The following ZFHX4 variants were observed in gnomAD, a reference collection of about 807,000 sequenced individuals.
The protein encoded by ZFHX4 is zinc finger homeobox 4.
ZFHX4 carries 56 observed loss-of-function variants against 267.6 expected under a neutral mutation model. The ratio of observed to expected loss-of-function variants is 0.21; its 90% CI spans 0.17 to 0.26. The LOEUF (loss-of-function observed/expected upper bound fraction) is 0.26. Ranked by LOEUF, ZFHX4 falls within the 10% of genes least tolerant of loss-of-function variation. ZFHX4 has a pLI of 1.00. For synonymous variants in ZFHX4, 1,778 were observed against 1,665.6 expected, an observed-to-expected ratio of 1.07 and a Z score of -1.64; for missense variants, 4,332 against 4,420.0, an observed-to-expected ratio of 0.98 and a Z score of 0.56.
intron 4 of ZFHX4, among the ~76,000 whole-genome samples, chr8:76,785,320 T>C (rs1810657531): frequency 6.6e-6 from 1 of 152,046 alleles, no homozygotes. Context: ...TTGAAAGATA[T>C]TTATTCTTTA....
At chr8:76,767,042 GGGGT>G (rs909261778) in intron 3 of ZFHX4, among the ~76,000 whole-genome samples, 50 of 130,452 alleles carry the variant, frequency 3.8e-4, no homozygotes, top group African/African-American at 1.9e-3. Context: ...GTCTCATAAA[GGGGT>G]GTGTGTGTGT....
intron 3 of ZFHX4, among the ~76,000 whole-genome samples, chr8:76,711,200 T>C (rs1444133734): frequency 6.6e-6 from 1 of 152,278 alleles, no homozygotes; most frequent in East Asian, 1.9e-4. Context: ...AGCATTATTT[T>C]CCATAGAATT....
rs1813058188 is a variant in ZFHX4, at chr8:76,867,273, A to G, written c.*2708A>G. On this transcript the variant is annotated 3_prime_UTR_variant, in exon 11 of 11. Coordinates refer to ENST00000651372, the MANE Select transcript of ZFHX4 (RefSeq NM_024721.5). Reference sequence around the variant, plus strand: ...CTCATTGTGATACATTAAAAACTGTATCTACATATTTACTATGTGTTTTCT... The same window carrying G: ...CTCATTGTGATACATTAAAAACTGTGTCTACATATTTACTATGTGTTTTCT... 3 of 152,578 alleles carry G rather than the reference A, an allele frequency of 2.0e-5. No individual in the cohort carries two copies. Among genetic ancestry groups the G allele is most frequent in the African/African-American group, 7.2e-5 (3 of 41,440 alleles). The allele number at this position is 152,578 out of a possible 1,614,324, so 9.5% of individuals were successfully genotyped here. A position where few individuals can be genotyped will look rare whatever the true frequency, so the allele number is the denominator to read the frequency against.
chr8:76,724,805 A>C (rs1020494784), intron 3 of ZFHX4, among the ~76,000 whole-genome samples: 1 of 152,140 alleles, frequency 6.6e-6, no homozygotes, highest in African/African-American at 2.4e-5. Context: ...GGAATCTTAC[A>C]GGTCTCAGGA....
chr8:76,761,292 G>A (rs1284973769), intron 3 of ZFHX4, among the ~76,000 whole-genome samples: 1 of 152,196 alleles, frequency 6.6e-6, no homozygotes, highest in African/African-American at 2.4e-5. Flanking sequence ...TTACCACTTT[G>A]AAAAATTATA....
chr8:76,861,340 A>C (rs537152191), intron 10 of ZFHX4, among the ~76,000 whole-genome samples: 3 of 152,282 alleles, frequency 2.0e-5, no homozygotes, highest in African/African-American at 7.2e-5. Flanking sequence ...AGTCTCCTCT[A>C]GCTCATCTGC....
At chr8:76,754,790 T>A (rs745922539) in intron 3 of ZFHX4, among the ~76,000 whole-genome samples, 1 of 152,162 alleles carries the variant, frequency 6.6e-6, no homozygotes, top group Admixed American at 6.6e-5. Context: ...AAAGGTAGAA[T>A]TGATTCCTCC....
At chr8:76,769,431 C>G (rs1457866583) in intron 3 of ZFHX4, among the ~76,000 whole-genome samples, 1 of 151,896 alleles carries the variant, frequency 6.6e-6, no homozygotes, top group Non-Finnish European at 1.5e-5. Flanking sequence ...TTCACTATGG[C>G]CTTGACCTCC....
At chr8:76,696,789 A>G (rs1807970384) in intron 1 of ZFHX4, among the ~76,000 whole-genome samples, 1 of 152,038 alleles carries the variant, frequency 6.6e-6, no homozygotes, top group Admixed American at 6.5e-5. Context: ...CTATTATGCT[A>G]GTCCTAATGT....
chr8:76,708,085 G>T lies in ZFHX4; in HGVS notation c.3093+37G>T, dbSNP rs771654855. The T allele has an allele frequency of 3.7e-6, 6 of 1,608,006 alleles. No individual in the cohort carries two copies. In the African/African-American group the frequency reaches 5.4e-5, roughly 14 times the overall value. On this transcript the variant is annotated intron_variant, in intron 3 of 10. Coordinates refer to ENST00000651372, the MANE Select transcript of ZFHX4 (RefSeq NM_024721.5). The stretch of plus-strand genomic sequence containing the variant: ...CATCCATTTCCGTTGGCACAGAGTA[G>T]AAAAGGGAATTAACTCTTTCAGAGC...
chr8:76,740,784 G>A (rs115921933), intron 3 of ZFHX4, among the ~76,000 whole-genome samples: 2,333 of 152,192 alleles, frequency 0.015, 68 homozygotes, highest in African/African-American at 0.052. Flanking sequence ...ATTATTTGAG[G>A]GAGGCAGTTG....
Position 76,854,723 on chromosome 8 carries a change from A to G in ZFHX4, c.7802A>G (p.Asp2601Gly), listed in dbSNP as rs1165956697. ...AAAGAAGGAGGGAATAGCGGTGAAG[A>G]CCAACACCGAGATAAACGCTTGAGA... is the stretch of plus-strand genomic sequence containing the variant. The part of the protein sequence containing the change: ...SEKEGGNSGE[D>G]QHRDKRLRTT... Residue 2601 changes from aspartate (D) to glycine (G), a missense_variant, in exon 10 of 11, where the codon GAC (aspartate) becomes GGC (glycine). This residue lies in a region of ZFHX4 where 1,648 missense variants were observed against 1,625.0 expected (regional missense o/e 1.01). Coordinates refer to ENST00000651372, the MANE Select transcript of ZFHX4 (RefSeq NM_024721.5). 6.2e-7 allele frequency: 1 copy of G among 1,613,104 alleles called. No individual in the cohort carries two copies. Among genetic ancestry groups the G allele is most frequent in the East Asian group, 2.2e-5 (1 of 44,826 alleles).
In ZFHX4 at chr8:76,833,318, C is replaced by G; in HGVS notation, c.3326-20C>G. On this transcript the variant is annotated intron_variant, in intron 4 of 10. Coordinates refer to ENST00000651372, the MANE Select transcript of ZFHX4 (RefSeq NM_024721.5). ...TGGATATGGCATGCTGATTACCTTT[C>G]ACTCTGATGTCTTCTGCAGAAACTG... 6.2e-7 allele frequency: 1 copy of G among 1,604,842 alleles called. No homozygotes were observed. Among genetic ancestry groups the G allele is most frequent in the Non-Finnish European group, 8.5e-7 (1 of 1,174,200 alleles).
In ZFHX4 at chr8:76,706,264, A is replaced by G; in HGVS notation, c.2176A>G (p.Asn726Asp). The G allele has an allele frequency of 6.2e-7, 1 of 1,614,030 alleles. No individual in the cohort carries two copies. Among genetic ancestry groups the G allele is most frequent in the Non-Finnish European group, 8.5e-7 (1 of 1,179,992 alleles). ...IHMQSDKHLN[N>D]VQNLQNGNGE... ...TATGCAGTCGGACAAGCACCTGAACAATGTTCAGAATCTCCAAAATGGCAA... is the reference window on the plus strand; with the variant it reads ...TATGCAGTCGGACAAGCACCTGAACGATGTTCAGAATCTCCAAAATGGCAA... Residue 726 changes from asparagine to aspartate, a missense_variant, in exon 2 of 11, where the codon AAT becomes GAT. Transcript: ENST00000651372.
intron 1 of ZFHX4, among the ~76,000 whole-genome samples, chr8:76,701,150 G>T (rs1395314954): frequency 6.6e-6 from 1 of 152,024 alleles, no homozygotes. Flanking sequence ...AAACTAAAGT[G>T]ATTCCATCAG....
chr8:76,763,148 A>G (rs1377657393), intron 3 of ZFHX4, among the ~76,000 whole-genome samples: 1 of 152,160 alleles, frequency 6.6e-6, no homozygotes, highest in Non-Finnish European at 1.5e-5. Context: ...GTCCCATAAC[A>G]GGGCCTCAGC....
In ZFHX4 at chr8:76,854,260, C is replaced by CAGCCAG. The variant is rs1812639573; in HGVS notation, c.7344_7345insGAGCCA (p.Pro2448_Gln2449insGluPro). On this transcript the variant is annotated inframe_insertion, in exon 10 of 11. Transcript: ENST00000651372. Reference sequence around the variant, plus strand: ...ACCACAGGCATCCACAGCCCAGCCACAGCCACAGCCACAGCCACCAAAACA... The same window carrying CAGCCAG: ...ACCACAGGCATCCACAGCCCAGCCACAGCCAGAGCCACAGCCACAGCCACCAAAACA... 6.3e-7 allele frequency: 1 copy of CAGCCAG among 1,578,410 alleles called. No homozygotes were observed. Among genetic ancestry groups the CAGCCAG allele is most frequent in the African/African-American group, 1.3e-5 (1 of 74,094 alleles).
chr8:76,756,444 G>A (rs1019477328), intron 3 of ZFHX4, among the ~76,000 whole-genome samples: 1 of 152,044 alleles, frequency 6.6e-6, no homozygotes, highest in East Asian at 1.9e-4. Flanking sequence ...GATTGAGGTT[G>A]GGATGGGTGG....
At chr8:76,812,876 A>G (rs1158979366) in intron 4 of ZFHX4, among the ~76,000 whole-genome samples, 1 of 152,198 alleles carries the variant, frequency 6.6e-6, no homozygotes, top group Non-Finnish European at 1.5e-5. Context: ...ATTTGATGGC[A>G]TTCAACTAGA....
Sources: allele counts gnomAD v4.1 joint callset (sites outside exome capture counted in the v4.1 genomes callset), GRCh38; gene constraint gnomAD v4.1.1; regional missense constraint gnomAD v4.1.1; transcripts MANE v1.5; gene names NCBI Gene and HGNC (gene_info 2026-07-23, HGNC 2026-07-21).